Variants in RBAK observed in about 807,000 individuals in gnomAD.
RBAK encodes RB associated KRAB zinc finger.
In RBAK, 39 loss-of-function variants were observed where a neutral mutation model predicts 65.8. The observed-to-expected ratio is 0.59, with a 90% CI of 0.46 to 0.77. The LOEUF (loss-of-function observed/expected upper bound fraction) is 0.77. RBAK is among the 30% of genes least tolerant of loss of function. The pLI, the probability that RBAK is intolerant of heterozygous loss-of-function variation, is 0.00. For synonymous variants in RBAK, 343 were observed against 289.7 expected (o/e 1.18, Z -1.87); for missense variants, 884 against 855.1 (o/e 1.03, Z -0.42).
At chr7:5,047,604 T>TC in intron 1 of RBAK, among the ~76,000 whole-genome samples, 1 of 120,704 alleles carries the variant, frequency 8.3e-6, no homozygotes, top group East Asian at 2.1e-4. Flanking sequence ...TCACTCTCTT[T>TC]TTTTTTTTTT....
chr7:5,047,372 C>T (rs1788012311), intron 1 of RBAK, among the ~76,000 whole-genome samples: 1 of 152,124 alleles, frequency 6.6e-6, no homozygotes, highest in Admixed American at 6.6e-5. Flanking sequence ...GCACTCCAGC[C>T]TGGGTGGCAG....
At chr7:5,049,383 C>T (rs1414284485) in intron 2 of RBAK, among the ~76,000 whole-genome samples, 2 of 152,176 alleles carry the variant, frequency 1.3e-5, no homozygotes, top group African/African-American at 4.8e-5. Flanking sequence ...AATATTTGTT[C>T]GTCTTTCAGT....
Position 5,046,351 on chromosome 7 carries a change from C to A in RBAK, c.-90C>A. On this transcript the variant is annotated 5_prime_UTR_variant, in exon 1 of 5. Transcript: ENST00000396912. Reference sequence around the variant, plus strand: ...CGCGCCAGCGACAGCAGCCCCGCCCCGGCCTCTCGGGAGCCGTGGGGCAGA... The same window carrying A: ...CGCGCCAGCGACAGCAGCCCCGCCCAGGCCTCTCGGGAGCCGTGGGGCAGA... 1.9e-6 allele frequency: 1 copy of A among 515,796 alleles called. No homozygotes were observed. Among genetic ancestry groups the A allele is most frequent in the Non-Finnish European group, 3.9e-6 (1 of 259,310 alleles). 32.0% of individuals were successfully genotyped at this position (515,796 alleles called of 1,614,324 possible).
Position 5,063,984 on chromosome 7 carries a change from A to C in RBAK, c.528A>C (p.Lys176Asn), listed in dbSNP as rs745635800. ...GTGGGAAAACATATCATGGAGAGAA[A>C]ATGTGTGAATTTAATCAAAATGGGG... ...NECGKTYHGEKMCEFNQNGDT... is the reference protein window; with the variant it reads ...NECGKTYHGENMCEFNQNGDT... Residue 176 changes from lysine to asparagine, a missense_variant, in exon 5 of 5, where the codon AAA becomes AAC. Transcript: ENST00000396912. 1 of 1,613,888 alleles carries C rather than the reference A, an allele frequency of 6.2e-7. No homozygotes were observed. The highest frequency in any genetic ancestry group is 2.2e-5 in the East Asian group (1 of 44,868).
chr7:5,046,354 CCTCT>C lies in RBAK; in HGVS notation c.-85_-82del. ...GCCAGCGACAGCAGCCCCGCCCCGG[CCTCT>C]CGGGAGCCGTGGGGCAGAGGCTGCG... On this transcript the variant is annotated 5_prime_UTR_variant, in exon 1 of 5. Coordinates refer to ENST00000396912, the MANE Select transcript of RBAK (RefSeq NM_021163.4). The C allele has an allele frequency of 1.9e-6, 1 of 515,944 alleles. No individual in the cohort carries two copies. Among genetic ancestry groups the C allele is most frequent in the Non-Finnish European group, 3.9e-6 (1 of 259,350 alleles). The allele number at this position is 515,944 out of a possible 1,614,324, so 32.0% of individuals were successfully genotyped here.
chr7:5,062,624 G>T (rs1481978147), intron 4 of RBAK, among the ~76,000 whole-genome samples: 2 of 152,210 alleles, frequency 1.3e-5, no homozygotes, highest in African/African-American at 2.4e-5. Flanking sequence ...CAACCGGTCT[G>T]ACCAAAATTT....
rs79179904 is a variant in RBAK at position 5,052,716 on chromosome 7, C to T, written c.16-4579C>T. Among the ~76,000 whole-genome samples the T allele has an allele frequency of 6.7e-3, 1,024 of 151,946 alleles. 15 individuals are homozygous for T. Among genetic ancestry groups the T allele is most frequent in the African/African-American group, 0.023 (970 of 41,350 alleles). ...TATCAGTGCCACACAGAATCTATTA[C>T]GTTGTTGTTAATTAAACAGTTATCT... On this transcript the variant is annotated intron_variant, in intron 2 of 4. Transcript: ENST00000396912.
intron 2 of RBAK, among the ~76,000 whole-genome samples, chr7:5,053,527 A>T (rs1007076246): frequency 6.6e-6 from 1 of 151,930 alleles, no homozygotes; most frequent in Non-Finnish European, 1.5e-5. Context: ...TGGTGTCATC[A>T]CTTTGGGAAC....
intron 1 of RBAK, among the ~76,000 whole-genome samples, chr7:5,047,601 C>CTTTTTTT (rs1037439035): frequency 2.0e-5 from 2 of 100,908 alleles, no homozygotes; most frequent in Non-Finnish European, 4.0e-5. Context: ...TTTTCACTCT[C>CTTTTTTT]TTTTTTTTTT....
rs190431670 is a variant in RBAK, at chr7:5,051,591, T to G, written c.15+3500T>G. Among the ~76,000 whole-genome samples the G allele has an allele frequency of 1.7e-3, 254 of 152,344 alleles. 2 individuals carry two copies. Among genetic ancestry groups the G allele is most frequent in the African/African-American group, 5.9e-3 (245 of 41,580 alleles). ...GCAATTTTTAATTTTTGGTAGAAGA[T>G]TCAGTCTAGGACTGTCAATTGCCTT... On this transcript the variant is annotated intron_variant, in intron 2 of 4. Coordinates refer to ENST00000396912, the MANE Select transcript of RBAK (RefSeq NM_021163.4).
At chr7:5,062,713 G>A (rs572921913) in intron 4 of RBAK, among the ~76,000 whole-genome samples, 3 of 152,178 alleles carry the variant, frequency 2.0e-5, no homozygotes, top group African/African-American at 4.8e-5. Flanking sequence ...TTACAGTCTC[G>A]ACCATAGACG....
chr7:5,061,760 C>T (rs1365416673), intron 4 of RBAK, among the ~76,000 whole-genome samples: 3 of 151,654 alleles, frequency 2.0e-5, no homozygotes, highest in African/African-American at 7.3e-5. Flanking sequence ...TAGCTGGGTG[C>T]GGTGGCGTGT....
rs1336858257 is a variant in RBAK, at chr7:5,046,078, G to A, written c.-363G>A. ...TTGAGCCCCGGAGCCGGCGGCGCTG[G>A]GGCCAGAGGGGCCGGACGGGAGGTG... On this transcript the variant is annotated 5_prime_UTR_variant, in exon 1 of 5. Coordinates refer to ENST00000396912, the MANE Select transcript of RBAK (RefSeq NM_021163.4). 1 of 288,998 alleles carries A rather than the reference G, an allele frequency of 3.5e-6. No homozygotes were observed. The highest frequency in any genetic ancestry group is 2.4e-5 in the African/African-American group (1 of 42,110). The allele number at this position is 288,998 out of a possible 1,614,324, so 17.9% of individuals were successfully genotyped here.
chr7:5,054,277 C>T (rs1232888478), intron 2 of RBAK, among the ~76,000 whole-genome samples: 5 of 151,992 alleles, frequency 3.3e-5, no homozygotes, highest in South Asian at 2.1e-4. Context: ...TGCTGGTACA[C>T]GCCTGTAATC....
intron 2 of RBAK, among the ~76,000 whole-genome samples, chr7:5,056,435 G>A (rs1788234422): frequency 6.6e-6 from 1 of 151,946 alleles, no homozygotes; most frequent in Admixed American, 6.6e-5. Flanking sequence ...CTTAAAAATT[G>A]AAGCTGCTTC....
rs1779231842 is a variant in RBAK, at chr7:5,066,932, A to G, written c.*1331A>G. 1 of 152,188 alleles carries G rather than the reference A, an allele frequency of 6.6e-6. No individual in the cohort carries two copies. Among genetic ancestry groups the G allele is most frequent in the African/African-American group, 2.4e-5 (1 of 41,464 alleles). 9.4% of individuals were successfully genotyped at this position (152,188 alleles called of 1,614,324 possible). A position where few individuals can be genotyped will look rare whatever the true frequency, so the allele number is the denominator to read the frequency against. ...GGAATGCAAAGGTGGCTTAATATTC[A>G]CAAGTCAGTTGCTATTATACACCAC... On this transcript the variant is annotated 3_prime_UTR_variant, in exon 5 of 5. Coordinates refer to ENST00000396912, the MANE Select transcript of RBAK (RefSeq NM_021163.4).
rs1323032121 is a variant in RBAK at position 5,048,594 on chromosome 7, AG to A, written c.15+505del. ...TTGTATGTGTGGATAGTAGATTTTA[AG>A]GCTGTTGAAATTGAGCCGCACCCAG... On this transcript the variant is annotated intron_variant, in intron 2 of 4. Transcript: ENST00000396912. This position sits in a 1 kb window ranked among gnomAD's most constrained non-coding sequence, Gnocchi z 4.4. 1.3e-5 allele frequency among the ~76,000 whole-genome samples: 2 copies of A among 152,266 alleles called. No homozygotes were observed. Among genetic ancestry groups the A allele is most frequent in the African/African-American group, 4.8e-5 (2 of 41,476 alleles).
At position 5,067,704 on chromosome 7, in the gene RBAK, G is replaced by A. The variant is rs1779253975; in HGVS notation, c.*2103G>A. 6.6e-6 allele frequency: 1 copy of A among 152,186 alleles called. No individual in the cohort carries two copies. The highest frequency in any genetic ancestry group is 2.4e-5 in the African/African-American group (1 of 41,442). The allele number at this position is 152,186 out of a possible 1,614,324, so 9.4% of individuals were successfully genotyped here. On this transcript the variant is annotated 3_prime_UTR_variant, in exon 5 of 5. Transcript: ENST00000396912. The stretch of plus-strand genomic sequence containing the variant: ...CCTGTTATAAAGCCATAGAAATAAT[G>A]AAGGTGTTAATTTGGCACAAGGATG...
chr7:5,052,485 T>C (rs1788137581), intron 2 of RBAK, among the ~76,000 whole-genome samples: 3 of 152,248 alleles, frequency 2.0e-5, no homozygotes, highest in African/African-American at 4.8e-5. Flanking sequence ...TTTATGATTC[T>C]ACTTTATATC....
Sources: allele counts gnomAD v4.1 joint callset (sites outside exome capture counted in the v4.1 genomes callset), GRCh38; gene constraint gnomAD v4.1.1; non-coding constraint Gnocchi (gnomAD v3.1); transcripts MANE v1.5; gene names NCBI Gene and HGNC (gene_info 2026-07-23, HGNC 2026-07-21).